MGAT4C: variants seen among roughly 807,000 people sequenced by gnomAD.
The protein encoded by MGAT4C is MGAT4 family member C.
Under a neutral mutation model 40.1 loss-of-function variants are expected in MGAT4C, and 19 were observed. That is an observed-to-expected ratio of 0.47 (90% CI 0.33 to 0.70). The LOEUF is 0.70. Among genes scored for constraint, MGAT4C ranks in the 30% least tolerant of loss-of-function variants. MGAT4C has a pLI of 0.02. For synonymous variants in MGAT4C, 181 were observed against 187.1 expected (o/e 0.97, Z 0.27); for missense variants, 491 against 563.2 (o/e 0.87, Z 1.30).
At chr12:86,066,881 T>C (rs1894597371) in intron 1 of MGAT4C, among the ~76,000 whole-genome samples, 1 of 151,232 alleles carries the variant, frequency 6.6e-6, no homozygotes, top group Admixed American at 6.6e-5. Context: ...AACCACCACA[T>C]CAAAAAGTAG....
chr12:86,452,823 CTGT>C (rs1458965272), intron 2 of MGAT4C, among the ~76,000 whole-genome samples: 7 of 152,050 alleles, frequency 4.6e-5, no homozygotes, highest in Non-Finnish European at 1.0e-4. Flanking sequence ...CAACTGTAGA[CTGT>C]ATTTGTCTAT....
intron 3 of MGAT4C, among the ~76,000 whole-genome samples, chr12:86,356,131 T>C (rs1008401522): frequency 5.3e-5 from 8 of 152,146 alleles, no homozygotes; most frequent in African/African-American, 1.9e-4. Context: ...TAATAAGGTA[T>C]GTAGATGAAA....
chr12:86,509,675 G>C (rs1221387095), intron 2 of MGAT4C, among the ~76,000 whole-genome samples: 2 of 152,068 alleles, frequency 1.3e-5, no homozygotes, highest in Non-Finnish European at 2.9e-5. Context: ...TCATGATATT[G>C]ATTCTTCCTA....
rs533984369 is a variant in MGAT4C, at chr12:86,805,755, A to G, written c.-262+32911T>C. Reference sequence around the variant, plus strand: ...AGATACCAAGTAATGGGATTGCTGGACCAAGTGGTAGTTCTGGTTTAAATT... The same window carrying G: ...AGATACCAAGTAATGGGATTGCTGGGCCAAGTGGTAGTTCTGGTTTAAATT... On this transcript the variant is annotated intron_variant, in intron 1 of 7. Transcript: ENST00000548651. Among the ~76,000 whole-genome samples, 4 of 152,144 alleles carry G rather than the reference A, an allele frequency of 2.6e-5. No homozygotes were observed. The East Asian group carries it at 7.7e-4, about 29-fold the overall frequency.
intron 2 of MGAT4C, among the ~76,000 whole-genome samples, chr12:86,567,805 A>G (rs893222872): frequency 6.6e-6 from 1 of 152,178 alleles, no homozygotes; most frequent in Non-Finnish European, 1.5e-5. Flanking sequence ...TTTGTTAAGG[A>G]CATGTTTGTG....
chr12:86,354,239 G>C (rs2136194603), intron 3 of MGAT4C, among the ~76,000 whole-genome samples: 1 of 152,136 alleles, frequency 6.6e-6, no homozygotes, highest in Middle Eastern at 3.4e-3. Flanking sequence ...TGCTAATACA[G>C]ACAAACAAGT....
rs147256456 is a variant in MGAT4C at position 86,426,427 on chromosome 12, T to TCTC, written c.-120+8729_-120+8730insGAG. On this transcript the variant is annotated intron_variant, in intron 3 of 7. Coordinates refer to the MGAT4C transcript ENST00000548651. ...GACACTATAATAAACACATTTATCTTAGTTATTTTCACATATGAAAAATAA... is the reference window on the plus strand; with the variant it reads ...GACACTATAATAAACACATTTATCTTCTCAGTTATTTTCACATATGAAAAATAA... Among the ~76,000 whole-genome samples, 991 of 152,350 alleles carry TCTC rather than the reference T, an allele frequency of 6.5e-3. 10 individuals carry two copies. The highest frequency in any genetic ancestry group is 0.023 in the African/African-American group (948 of 41,580).
At chr12:86,731,894 T>C (rs1350551933) in intron 1 of MGAT4C, among the ~76,000 whole-genome samples, 1 of 152,158 alleles carries the variant, frequency 6.6e-6, no homozygotes, top group Non-Finnish European at 1.5e-5. Context: ...CATTACTTTT[T>C]TCCCCCTTCA....
chr12:86,338,008 C>A (rs560365761), intron 3 of MGAT4C, among the ~76,000 whole-genome samples: 63 of 152,160 alleles, frequency 4.1e-4, no homozygotes, highest in Non-Finnish European at 7.5e-4. Flanking sequence ...ATGTTATAAC[C>A]GCCCAATGGG....
At chr12:86,191,953 A>T (rs150779784) in intron 1 of MGAT4C, among the ~76,000 whole-genome samples, 2,227 of 150,748 alleles carry the variant, frequency 0.015, 33 homozygotes, top group African/African-American at 0.035. Flanking sequence ...AGGGACATGG[A>T]TGAAGCTGGA....
chr12:86,399,665 A>C (rs537525660), intron 3 of MGAT4C, among the ~76,000 whole-genome samples: 1 of 152,264 alleles, frequency 6.6e-6, no homozygotes, highest in African/African-American at 2.4e-5. Flanking sequence ...AAGAGGAGAA[A>C]GTAAGGTGAG....
At chr12:86,777,596 G>T (rs1364156457) in intron 1 of MGAT4C, among the ~76,000 whole-genome samples, 1 of 152,162 alleles carries the variant, frequency 6.6e-6, no homozygotes, top group Non-Finnish European at 1.5e-5. Flanking sequence ...CTTTGGCACA[G>T]AGTTTCTCTT....
intron 4 of MGAT4C, among the ~76,000 whole-genome samples, chr12:86,288,882 AT>A (rs1953427345): frequency 1.3e-5 from 2 of 152,022 alleles, no homozygotes; most frequent in South Asian, 2.1e-4. Flanking sequence ...TTTGTTGATA[AT>A]CTCTTTTGCT....
chr12:86,032,406 T>C (rs1890843244), intron 2 of MGAT4C, among the ~76,000 whole-genome samples: 1 of 133,060 alleles, frequency 7.5e-6, no homozygotes. Context: ...CCCTTTTCTC[T>C]GCAACCTTGC....
intron 3 of MGAT4C, among the ~76,000 whole-genome samples, chr12:86,423,094 T>A (rs144833109): frequency 2.6e-5 from 4 of 152,286 alleles, no homozygotes; most frequent in African/African-American, 9.6e-5. Flanking sequence ...TTTCTGAGAT[T>A]TGTTTTGCAA....
chr12:86,808,801 A>G (rs566153484), intron 1 of MGAT4C, among the ~76,000 whole-genome samples: 1 of 152,050 alleles, frequency 6.6e-6, no homozygotes, highest in Non-Finnish European at 1.5e-5. Flanking sequence ...AGAAAGAAAT[A>G]AAAATTCCTC....
At chr12:86,133,751 A>G (rs1432389846) in intron 1 of MGAT4C, among the ~76,000 whole-genome samples, 2 of 152,148 alleles carry the variant, frequency 1.3e-5, no homozygotes, top group East Asian at 3.8e-4. Flanking sequence ...ATAAGCATTC[A>G]GTTAAGTAAA....
In MGAT4C at chr12:86,459,543, A is replaced by T. The variant is rs754668959; in HGVS notation, c.-228-24278T>A. ...AAATGAGAACCTCACTCATGCGGTCATAAGGAAATGAAATCTTCCAACAAC... is the reference window on the plus strand; with the variant it reads ...AAATGAGAACCTCACTCATGCGGTCTTAAGGAAATGAAATCTTCCAACAAC... On this transcript the variant is annotated intron_variant, in intron 2 of 7. Coordinates refer to the MGAT4C transcript ENST00000548651. Among the ~76,000 whole-genome samples the T allele has an allele frequency of 5.4e-4, 82 of 152,114 alleles. 1 individual carries two copies. Among genetic ancestry groups the T allele is most frequent in the Admixed American group, 2.0e-3 (30 of 15,268 alleles).
At chr12:85,996,233 A>T (rs2136751197) in intron 2 of MGAT4C, among the ~76,000 whole-genome samples, 1 of 152,368 alleles carries the variant, frequency 6.6e-6, no homozygotes, top group African/African-American at 2.4e-5. Flanking sequence ...AATATGTCCC[A>T]TAGGCTCAAA....
Sources: gnomAD v4.1 joint callset for allele counts (sites outside exome capture counted in the v4.1 genomes callset) on GRCh38, gnomAD v4.1.1 for gene constraint, MANE v1.5 for transcripts, NCBI Gene and HGNC (gene_info 2026-07-23, HGNC 2026-07-21) for gene names.